SAPCD2: variants seen among roughly 807,000 people sequenced by gnomAD.
SAPCD2 encodes suppressor APC domain-containing protein 2.
SAPCD2 carries 34 observed loss-of-function variants against 37.8 expected under a neutral mutation model. The observed-to-expected ratio is 0.90, with a 90% confidence interval of 0.68 to 1.20. SAPCD2 has a LOEUF of 1.20. Among genes scored for constraint, SAPCD2 ranks in the 50% most tolerant of loss-of-function variants. The pLI is 0.00. For synonymous variants in SAPCD2, 275 were observed against 270.3 expected, an observed-to-expected ratio of 1.02 and a Z score of -0.17; for missense variants, 572 against 584.7, an observed-to-expected ratio of 0.98 and a Z score of 0.22.
rs902196142 is a variant in SAPCD2, at chr9:137,065,431, G to A, written c.831+91C>T. On this transcript the variant is annotated intron_variant, in intron 3 of 5. Transcript: ENST00000409687. ...GGTGGAATCGACAGCCACTGTGTCC[G>A]GGAATAGGGGCAGCCACAATGCCCA... is the stretch of plus-strand genomic sequence containing the variant. 40 of 1,423,006 alleles carry A rather than the reference G, an allele frequency of 2.8e-5. No homozygotes were observed. In the Middle Eastern group the frequency reaches 7.7e-4, roughly 28 times the overall value. The allele number at this position is 1,423,006 out of a possible 1,614,324, so 88.1% of individuals were successfully genotyped here. A position where few individuals can be genotyped will look rare whatever the true frequency, so the allele number is the denominator to read the frequency against.
Position 137,064,889 on chromosome 9 carries a change from T to C in SAPCD2, c.1030A>G (p.Lys344Glu). 1 of 1,562,602 alleles carries C rather than the reference T, an allele frequency of 6.4e-7. No individual in the cohort carries two copies. The highest frequency in any genetic ancestry group is 8.7e-7 in the Non-Finnish European group (1 of 1,153,692). The stretch of plus-strand genomic sequence containing the variant: ...TGGGTGAGGAGTCGGTTCTGCTCCT[T>C]CAGCATGAGGATGGTCTGCTGCTGC... ...VWQQQTILML[K>E]EQNRLLTQEV... The change falls in exon 5 of 6, where the codon AAG becomes GAG. Residue 344 changes from lysine to glutamate, a missense_variant. By Grantham distance (56) the Lys-to-Glu change is moderately conservative. Transcript: ENST00000409687.
At position 137,062,721 on chromosome 9, in the gene SAPCD2, C is replaced by T. The variant is rs1274853374; in HGVS notation, c.*1938G>A. The stretch of plus-strand genomic sequence containing the variant: ...ATGTGCCTCTGCCAGCCACCTAGAC[C>T]CTGCCAGCCGGGGCCTTTAAATTCT... On this transcript the variant is annotated 3_prime_UTR_variant, in exon 6 of 6. Coordinates refer to ENST00000409687, the MANE Select transcript of SAPCD2 (RefSeq NM_178448.4). 1 of 152,266 alleles carries T rather than the reference C, an allele frequency of 6.6e-6. No homozygotes were observed. The highest frequency in any genetic ancestry group is 2.4e-5 in the African/African-American group (1 of 41,460). The allele number at this position is 152,266 out of a possible 1,614,324, so 9.4% of individuals were successfully genotyped here. A position where few individuals can be genotyped will look rare whatever the true frequency, so the allele number is the denominator to read the frequency against.
chr9:137,069,460 G>A (rs534451813), intron 1 of SAPCD2, among the ~76,000 whole-genome samples: 249 of 152,350 alleles, frequency 1.6e-3, no homozygotes, highest in Admixed American at 3.2e-3. Flanking sequence ...GTCACACTGA[G>A]AAGGGGGACC....
In SAPCD2 at chr9:137,064,044, G is replaced by C. The variant is rs1366347611; in HGVS notation, c.*615C>G. ...CAAGCTCTCGCCCACCCGGCGTGCC[G>C]ATCCGCTGCAGCCAGGGTCCCTCAG... On this transcript the variant is annotated 3_prime_UTR_variant, in exon 6 of 6. Coordinates refer to ENST00000409687, the MANE Select transcript of SAPCD2 (RefSeq NM_178448.4). 6.2e-6 allele frequency: 1 copy of C among 160,106 alleles called. No homozygotes were observed. The highest frequency in any genetic ancestry group is 1.9e-4 in the East Asian group (1 of 5,200). The allele number at this position is 160,106 out of a possible 1,614,324, so 9.9% of individuals were successfully genotyped here.
intron 1 of SAPCD2, 144 bp downstream of exon 1, chr9:137,069,746 G>A (rs1832597013): frequency 1.8e-6 from 1 of 553,250 alleles, no homozygotes; most frequent in Non-Finnish European, 2.7e-6. Context: ...CCGCCGAGGC[G>A]CCCTCCAGGA....
rs1322312403 is a variant in SAPCD2 at position 137,064,862 on chromosome 9, C to T, written c.1056+1G>A. The T allele has an allele frequency of 1.3e-6, 2 of 1,566,654 alleles. No individual in the cohort carries two copies. The highest frequency in any genetic ancestry group is 1.4e-5 in the African/African-American group (1 of 73,808). On this transcript the variant is annotated splice_donor_variant, in intron 5 of 5. Transcript: ENST00000409687. LOFTEE classifies it high-confidence loss of function. Reference sequence around the variant, plus strand: ...CTGCACCCCTCCCGCGCCTGCCCTACCTGGGTGAGGAGTCGGTTCTGCTCC... The same window carrying T: ...CTGCACCCCTCCCGCGCCTGCCCTATCTGGGTGAGGAGTCGGTTCTGCTCC...
Position 137,070,389 on chromosome 9 carries a change from C to T in SAPCD2, c.72G>A (p.Leu24=). Residue 24 remains leucine, a synonymous_variant, in exon 1 of 6, where the codon CTG becomes CTA. Transcript: ENST00000409687. ...PPAPAPSTEG[L]PRAFLQSLRT... The stretch of plus-strand genomic sequence containing the variant: ...GCAGGCTCTGCAGGAAGGCGCGCGG[C>T]AGCCCCTCCGTGCTGGGCGCGGGTG... The T allele has an allele frequency of 1.4e-6, 2 of 1,392,724 alleles. No individual in the cohort carries two copies. Among genetic ancestry groups the T allele is most frequent in the Non-Finnish European group, 1.9e-6 (2 of 1,068,676 alleles). 86.3% of individuals were successfully genotyped at this position (1,392,724 alleles called of 1,614,324 possible).
At chr9:137,069,372 C>G (rs1184428163) in intron 1 of SAPCD2, among the ~76,000 whole-genome samples, 1 of 152,150 alleles carries the variant, frequency 6.6e-6, no homozygotes, top group Non-Finnish European at 1.5e-5. Flanking sequence ...AGGGCCAGGT[C>G]CTCTTGGGCC....
At chr9:137,065,742 C>T in intron 2 of SAPCD2, 74 bp from the exon 3 acceptor site, 2 of 1,512,868 alleles carry the variant, frequency 1.3e-6, no homozygotes, top group Non-Finnish European at 1.8e-6. Flanking sequence ...ATGAGCTCAC[C>T]TGTGGGTGGG....
intron 2 of SAPCD2, among the ~76,000 whole-genome samples, chr9:137,065,874 G>A (rs1247647733): frequency 1.3e-5 from 2 of 152,192 alleles, no homozygotes; most frequent in Non-Finnish European, 1.5e-5. Context: ...CAGGAGCCCC[G>A]TTCCTCCTGC....
Position 137,064,798 on chromosome 9 carries a change from G to T in SAPCD2, c.1057-11C>A, listed in dbSNP as rs1418048155. 1.3e-6 allele frequency: 2 copies of T among 1,592,334 alleles called. No individual in the cohort carries two copies. Among genetic ancestry groups the T allele is most frequent in the East Asian group, 4.6e-5 (2 of 43,622 alleles). On this transcript the variant is annotated splice_polypyrimidine_tract_variant and intron_variant, in intron 5 of 5. Transcript: ENST00000409687. ...CTTCTCGGTCACCTCCTGGGCAGGT[G>T]CACAGTTGGTCAAGGCCTGCGGGGC...
At chr9:137,068,038 G>C (rs528278451) in intron 1 of SAPCD2, among the ~76,000 whole-genome samples, 2 of 152,314 alleles carry the variant, frequency 1.3e-5, no homozygotes, top group South Asian at 2.1e-4. Context: ...TCCAGCTGTA[G>C]CCCCAGCACC....
rs1411213614 is a variant in SAPCD2, at chr9:137,069,910, G to A, written c.551C>T (p.Pro184Leu). The change falls in exon 1 of 6, where the codon CCG becomes CTG. Residue 184 changes from proline (P) to leucine (L), a missense_variant. Coordinates refer to ENST00000409687, the MANE Select transcript of SAPCD2 (RefSeq NM_178448.4). ...CTCACCTGCGTCCGCGCTGGAGCTCGGTTCCAGCGCCGCGCTCTGGGACCG... is the reference window on the plus strand; with the variant it reads ...CTCACCTGCGTCCGCGCTGGAGCTCAGTTCCAGCGCCGCGCTCTGGGACCG... ...PERSQSAALE[P>L]SSSADAGAVA... The A allele has an allele frequency of 1.6e-6, 2 of 1,278,242 alleles. No individual in the cohort carries two copies. The highest frequency in any genetic ancestry group is 4.0e-5 in the Admixed American group (1 of 25,016). The allele number at this position is 1,278,242 out of a possible 1,614,324, so 79.2% of individuals were successfully genotyped here.
intron 1 of SAPCD2, among the ~76,000 whole-genome samples, chr9:137,067,941 G>A (rs760718018): frequency 9.2e-5 from 14 of 152,112 alleles, no homozygotes; most frequent in Admixed American, 4.6e-4. Flanking sequence ...GTGCCACTCC[G>A]GCCCAGCTTC....
chr9:137,066,265 G>A lies in SAPCD2; in HGVS notation c.681C>T (p.Gly227=), dbSNP rs756013269. ...RHTIASGVDC[G]LLKQMKELEQ... Reference sequence around the variant, plus strand: ...CAGAGCCCCAGTCCCTGCTCACCAGGCCGCAGTCCACGCCGCTGGCGATGG... The same window carrying A: ...CAGAGCCCCAGTCCCTGCTCACCAGACCGCAGTCCACGCCGCTGGCGATGG... Residue 227 remains glycine, a synonymous_variant, in exon 2 of 6, where the codon GGC becomes GGT. Coordinates refer to ENST00000409687, the MANE Select transcript of SAPCD2 (RefSeq NM_178448.4). 3.1e-6 allele frequency: 5 copies of A among 1,600,708 alleles called. No homozygotes were observed. In the East Asian group the frequency reaches 9.0e-5, roughly 29 times the overall value.
At position 137,070,380 on chromosome 9, in the gene SAPCD2, G is replaced by A; in HGVS notation, c.81C>T (p.Ala27=). 7.1e-7 allele frequency: 1 copy of A among 1,405,990 alleles called. No individual in the cohort carries two copies. Among genetic ancestry groups the A allele is most frequent in the Non-Finnish European group, 9.3e-7 (1 of 1,075,608 alleles). The allele number at this position is 1,405,990 out of a possible 1,614,324, so 87.1% of individuals were successfully genotyped here. A position where few individuals can be genotyped will look rare whatever the true frequency, so the allele number is the denominator to read the frequency against. Reference sequence around the variant, plus strand: ...ACAGGGTGCGCAGGCTCTGCAGGAAGGCGCGCGGCAGCCCCTCCGTGCTGG... The same window carrying A: ...ACAGGGTGCGCAGGCTCTGCAGGAAAGCGCGCGGCAGCCCCTCCGTGCTGG... ...PAPSTEGLPR[A]FLQSLRTLFD... The change falls in exon 1 of 6, where the codon GCC becomes GCT. Residue 27 remains alanine, a synonymous_variant. Coordinates refer to ENST00000409687, the MANE Select transcript of SAPCD2 (RefSeq NM_178448.4).
intron 3 of SAPCD2, 69 bp from the exon 4 acceptor site, chr9:137,065,254 G>C: frequency 8.5e-7 from 1 of 1,179,456 alleles, no homozygotes; most frequent in Non-Finnish European, 1.2e-6. Context: ...TGCCTTGATA[G>C]GGGTTCCCAC....
At chr9:137,066,194 T>A (rs1832543393) in intron 2 of SAPCD2, 68 bp downstream of exon 2, 1 of 1,268,972 alleles carries the variant, frequency 7.9e-7, no homozygotes, top group Admixed American at 2.0e-5. Context: ...AAGGCCCCCC[T>A]GCTCCCATCC....
At chr9:137,066,624 G>A (rs1046213284) in intron 1 of SAPCD2, among the ~76,000 whole-genome samples, 1 of 152,198 alleles carries the variant, frequency 6.6e-6, no homozygotes, top group African/African-American at 2.4e-5. Flanking sequence ...CCCCCTCATC[G>A]GTCCGTGAGC....
Sources: allele counts gnomAD v4.1 joint callset (sites outside exome capture counted in the v4.1 genomes callset), GRCh38; gene constraint gnomAD v4.1.1; transcripts MANE v1.5; gene names NCBI Gene and HGNC (gene_info 2026-07-23, HGNC 2026-07-21).